Variants in DNAI3 observed in about 807,000 individuals in gnomAD.
The protein encoded by DNAI3 is WD repeat domain 63.
In DNAI3, 83 loss-of-function variants were observed where a neutral mutation model predicts 115.5. The observed-to-expected ratio is 0.72, with a 90% CI of 0.60 to 0.86. The LOEUF (loss-of-function observed/expected upper bound fraction) is 0.86, where lower values mean the gene tolerates loss of function less well. Among genes scored for constraint, DNAI3 ranks in the 40% least tolerant of loss-of-function variants. The pLI is 0.00. For synonymous variants in DNAI3, 320 were observed against 347.0 expected (o/e 0.92, Z 0.86); for missense variants, 1,004 against 1,075.8 (o/e 0.93, Z 0.93).
chr1:85,071,409 G>T (rs895897959), intron 1 of DNAI3, among the ~76,000 whole-genome samples: 1 of 152,178 alleles, frequency 6.6e-6, no homozygotes, highest in African/African-American at 2.4e-5. Context: ...TCTCTGATAG[G>T]CCAAATAAGG....
chr1:85,062,975 G>C (rs1250793566), intron 1 of DNAI3, among the ~76,000 whole-genome samples: 1 of 152,160 alleles, frequency 6.6e-6, no homozygotes, highest in African/African-American at 2.4e-5. Flanking sequence ...AGATGAACAG[G>C]GAACACAAAC....
intron 8 of DNAI3, among the ~76,000 whole-genome samples, chr1:85,093,077 G>A (rs1380121531): frequency 1.3e-5 from 2 of 152,150 alleles, no homozygotes; most frequent in Non-Finnish European, 2.9e-5. Flanking sequence ...GGAAGGTAGA[G>A]CATCAGACAA....
intron 1 of DNAI3, among the ~76,000 whole-genome samples, chr1:85,070,001 G>T (rs1654217711): frequency 6.6e-6 from 1 of 152,134 alleles, no homozygotes; most frequent in Admixed American, 6.5e-5. Context: ...GGTGGCTCAT[G>T]CCTGTAATCC....
In DNAI3 at chr1:85,121,757, G is replaced by T. The variant is rs540220430; in HGVS notation, c.1924G>T (p.Glu642Ter). The T allele has an allele frequency of 2.6e-5, 42 of 1,613,950 alleles. No individual in the cohort carries two copies. The highest frequency in any genetic ancestry group is 3.5e-5 in the Non-Finnish European group (41 of 1,179,972). ...TKFFVGTEEG[E>*]VIYTDWKMEK... ...GAACCTGTAATATTTTTAGGAAGGC[G>T]AAGTGATATACACAGATTGGAAAAT... The change falls in exon 18 of 23, where the codon GAA (glutamate) becomes TAA (stop). Residue 642 changes from glutamate (E) to a stop codon, truncating the protein, a stop_gained. Transcript: ENST00000294664. LOFTEE classifies it high-confidence loss of function.
chr1:85,112,277 C>A (rs947430828), intron 16 of DNAI3, among the ~76,000 whole-genome samples: 2 of 151,482 alleles, frequency 1.3e-5, no homozygotes, highest in African/African-American at 4.8e-5. Context: ...CTGAATGAAT[C>A]CTTTTTATTA....
chr1:85,106,063 C>A (rs535281882), intron 14 of DNAI3, among the ~76,000 whole-genome samples: 58 of 152,202 alleles, frequency 3.8e-4, no homozygotes, highest in African/African-American at 1.3e-3. Flanking sequence ...TCACTTGAAC[C>A]CAGGAGGCGG....
chr1:85,094,222 A>C (rs1468599683), intron 9 of DNAI3: 1 of 611,458 alleles, frequency 1.6e-6, no homozygotes, highest in Non-Finnish European at 2.9e-6. Context: ...CTAACAGTAC[A>C]TGTCAGTTTG....
At chr1:85,132,753 A>T in intron 22 of DNAI3, 102 bp from the exon 23 acceptor site, 2 of 1,447,660 alleles carry the variant, frequency 1.4e-6, no homozygotes, top group Non-Finnish European at 1.8e-6. Context: ...TTTCCAGAAA[A>T]CAGCAGCCAG....
chr1:85,088,136 T>C (rs1300864694), intron 7 of DNAI3, among the ~76,000 whole-genome samples: 1 of 152,074 alleles, frequency 6.6e-6, no homozygotes, highest in Non-Finnish European at 1.5e-5. Context: ...CAAATGAACT[T>C]GAATTTTGAG....
At position 85,130,033 on chromosome 1, in the gene DNAI3, T is replaced by C; in HGVS notation, c.2453T>C (p.Leu818Pro). ...NHYFEREVKH[L>P]EYVEQRKKIR... ...TATTTTGAAAGAGAAGTCAAGCATC[T>C]GGAATACGTAGAACAGCGCAAAAAA... Residue 818 changes from leucine to proline, a missense_variant, in exon 22 of 23, where the codon CTG (leucine) becomes CCG (proline). Physicochemically the swap from Leu to Pro is moderately conservative, Grantham distance 98. This residue lies in a region of DNAI3 where 429 missense variants were observed against 454.3 expected (regional missense o/e 0.94). Transcript: ENST00000294664. 2 of 1,613,218 alleles carry C rather than the reference T, an allele frequency of 1.2e-6. No individual in the cohort carries two copies. Among genetic ancestry groups the C allele is most frequent in the African/African-American group, 2.7e-5 (2 of 74,946 alleles).
chr1:85,090,399 A>G (rs1209561343), intron 8 of DNAI3, among the ~76,000 whole-genome samples, 167 bp downstream of exon 8: 3 of 152,178 alleles, frequency 2.0e-5, no homozygotes, highest in Non-Finnish European at 4.4e-5. Context: ...TTTCCTTTCT[A>G]TTGCTAAGCA....
At chr1:85,084,402 A>G (rs1468857620) in intron 5 of DNAI3, 144 bp from the exon 6 acceptor site, 1 of 459,914 alleles carries the variant, frequency 2.2e-6, no homozygotes, top group African/African-American at 2.1e-5. Flanking sequence ...TTCATAATTC[A>G]AAAGTGTGAA....
chr1:85,126,388 G>A, intron 19 of DNAI3, 123 bp from the exon 20 acceptor site: 1 of 955,262 alleles, frequency 1.0e-6, no homozygotes, highest in Non-Finnish European at 1.5e-6. Context: ...ACTTCCTGTG[G>A]GCATAATTTT....
chr1:85,097,590 G>A lies in DNAI3; in HGVS notation c.1285G>A (p.Ala429Thr), dbSNP rs1389668154. The A allele has an allele frequency of 3.7e-6, 6 of 1,612,274 alleles. No individual in the cohort carries two copies. Among genetic ancestry groups the A allele is most frequent in the South Asian group, 2.2e-5 (2 of 90,584 alleles). Residue 429 changes from alanine (A) to threonine (T), a missense_variant, in exon 12 of 23, where the codon GCA becomes ACA. Transcript: ENST00000294664. ...TTAGATTGTCATGTGGGATATCACC[G>A]CACATGCAGATCGCATAGAAAACAT... is the stretch of plus-strand genomic sequence containing the variant. Reference protein sequence around the residue: ...NGQIVMWDITAHADRIENIKA... With the variant: ...NGQIVMWDITTHADRIENIKA...
At chr1:85,121,945 T>C (rs1242929315) in intron 18 of DNAI3, 131 bp downstream of exon 18, 51 of 841,300 alleles carry the variant, frequency 6.1e-5, no homozygotes, top group Non-Finnish European at 9.1e-5. Flanking sequence ...TACTGACTAA[T>C]AAAGTGAAGG....
At chr1:85,074,407 C>T (rs911867698) in intron 3 of DNAI3, among the ~76,000 whole-genome samples, 7 of 152,208 alleles carry the variant, frequency 4.6e-5, no homozygotes, top group African/African-American at 1.4e-4. Flanking sequence ...GTTTCCTCCT[C>T]CTCTTCGCCA....
At position 85,085,865 on chromosome 1, in the gene DNAI3, T is replaced by A. The variant is rs749489917; in HGVS notation, c.575T>A (p.Phe192Tyr). The A allele has an allele frequency of 1.2e-6, 2 of 1,614,170 alleles. No homozygotes were observed. The change falls in exon 7 of 23, where the codon TTT (phenylalanine) becomes TAT (tyrosine). Residue 192 changes from phenylalanine (F) to tyrosine (Y), a missense_variant. Phe to Tyr is a conservative substitution (Grantham distance 22). This residue lies in a region of DNAI3 where 550 missense variants were observed against 568.1 expected (regional missense o/e 0.97). Coordinates refer to ENST00000294664, the MANE Select transcript of DNAI3 (RefSeq NM_145172.5). ...TYMISRKRSE[F>Y]GAPIKFSDQN... ...ATGATTTCTCGAAAACGAAGTGAAT[T>A]TGGTGCACCAATTAAGTTCAGTGAC...
At chr1:85,130,371 T>C (rs1168384765) in intron 22 of DNAI3, among the ~76,000 whole-genome samples, 1 of 152,192 alleles carries the variant, frequency 6.6e-6, no homozygotes, top group Non-Finnish European at 1.5e-5. Context: ...ATTCAAAATT[T>C]GAATGCTTTC....
intron 22 of DNAI3, 146 bp from the exon 23 acceptor site, chr1:85,132,709 C>G: frequency 2.2e-6 from 2 of 921,300 alleles, no homozygotes; most frequent in Non-Finnish European, 3.1e-6. Context: ...TCCTGCCCAC[C>G]TGCCCTCCTG....
Sources: allele counts gnomAD v4.1 joint callset (sites outside exome capture counted in the v4.1 genomes callset), GRCh38; gene constraint gnomAD v4.1.1; regional missense constraint gnomAD v4.1.1; transcripts MANE v1.5; gene names NCBI Gene and HGNC (gene_info 2026-07-23, HGNC 2026-07-21).